The following KATNAL2 variants were observed in gnomAD, a reference collection of about 807,000 sequenced individuals.
KATNAL2 encodes the protein katanin catalytic subunit A1 like 2.
Under a neutral mutation model 76.3 loss-of-function variants are expected in KATNAL2, and 52 were observed. The ratio of observed to expected loss-of-function variants is 0.68; its 90% CI spans 0.55 to 0.86. The LOEUF (loss-of-function observed/expected upper bound fraction) is 0.86, where lower values mean the gene tolerates loss of function less well. KATNAL2 is among the 40% of genes least tolerant of loss of function. The pLI is 0.00. For missense variants in KATNAL2, 660 were observed against 668.9 expected, an observed-to-expected ratio of 0.99 and a Z score of 0.15; for synonymous variants, 243 against 244.2, an observed-to-expected ratio of 1.00 and a Z score of 0.05.
At chr18:46,955,140 C>CTCTCTTTCTTTCTTTT (rs1555834717) in intron 3 of KATNAL2, among the ~76,000 whole-genome samples, 1 of 85,020 alleles carries the variant, frequency 1.2e-5, no homozygotes, top group Non-Finnish European at 2.3e-5. Flanking sequence ...CTTTCTCTCT[C>CTCTCTTTCTTTCTTTT]TCTTTCTTTC....
intron 3 of KATNAL2, among the ~76,000 whole-genome samples, chr18:47,039,392 C>T (rs1203331060): frequency 6.6e-6 from 1 of 152,178 alleles, no homozygotes; most frequent in Admixed American, 6.5e-5. Flanking sequence ...CCCCTCCACC[C>T]ACTGCCTCCT....
intron 9 of KATNAL2, 93 bp downstream of exon 9, chr18:47,063,163 T>C (rs1432455575): frequency 6.9e-7 from 1 of 1,453,664 alleles, no homozygotes; most frequent in Non-Finnish European, 9.6e-7. Flanking sequence ...AACCTTGAGA[T>C]CAAGTTAAAG....
intron 3 of KATNAL2, among the ~76,000 whole-genome samples, chr18:47,031,222 C>T (rs1263368892): frequency 6.6e-6 from 1 of 150,944 alleles, no homozygotes; most frequent in African/African-American, 2.4e-5. Context: ...TTAAAATCTC[C>T]TCGGAAAGGC....
intron 1 of KATNAL2, among the ~76,000 whole-genome samples, chr18:46,918,434 A>T (rs534996033): frequency 6.0e-5 from 9 of 150,722 alleles, no homozygotes. Context: ...TCTTCCTTCC[A>T]CTCCCCTGCC....
chr18:46,957,352 T>C (rs919218513), intron 3 of KATNAL2, among the ~76,000 whole-genome samples: 12 of 147,294 alleles, frequency 8.1e-5, no homozygotes, highest in Middle Eastern at 3.6e-3. Context: ...CCCCCGGGGT[T>C]CACGCCATTC....
chr18:47,034,621 G>C (rs1313370826), intron 3 of KATNAL2: 2 of 1,614,140 alleles, frequency 1.2e-6, no homozygotes, highest in Non-Finnish European at 1.7e-6. Context: ...TTTCCCCTGG[G>C]GTTGGCCCTG....
chr18:46,922,939 T>A (rs1415776924), intron 1 of KATNAL2, among the ~76,000 whole-genome samples: 1 of 148,182 alleles, frequency 6.7e-6, no homozygotes, highest in Non-Finnish European at 1.5e-5. Context: ...TATGATATTG[T>A]ATATATAATA....
chr18:46,929,673 T>C (rs2058845625), intron 1 of KATNAL2, among the ~76,000 whole-genome samples: 2 of 152,250 alleles, frequency 1.3e-5, no homozygotes, highest in African/African-American at 4.8e-5. Context: ...CTATCAACTT[T>C]CTTATACGGG....
chr18:47,054,473 GCTC>G, intron 6 of KATNAL2, 35 bp downstream of exon 6: 2 of 1,598,404 alleles, frequency 1.3e-6, no homozygotes, highest in Non-Finnish European at 1.7e-6. Flanking sequence ...AATCGACTCG[GCTC>G]GAGGAGCTTG....
intron 1 of KATNAL2, among the ~76,000 whole-genome samples, chr18:46,939,363 G>A (rs1046631846): frequency 1.5e-4 from 23 of 150,706 alleles, no homozygotes; most frequent in Admixed American, 6.0e-4. Context: ...GAAAAGAAAA[G>A]AATGATTTAT....
chr18:47,043,468 G>T (rs1466294229), intron 3 of KATNAL2, among the ~76,000 whole-genome samples: 1 of 152,128 alleles, frequency 6.6e-6, no homozygotes, highest in African/African-American at 2.4e-5. Context: ...AAGAAAAGAG[G>T]TTTAATTGAC....
Position 47,075,361 on chromosome 18 carries a change from G to A in KATNAL2, c.1093G>A (p.Ala365Thr), listed in dbSNP as rs763410635. The change falls in exon 14 of 18, where the codon GCT becomes ACT. Residue 365 changes from alanine (A) to threonine (T), a missense_variant. Transcript: ENST00000683218. ...LESVMSQRGT[A>T]SGGEHEGSLR... ...GTCGGTGATGAGTCAGAGAGGCACA[G>A]CTTCTGGGTAACAGACAGGGTTGGG... is the stretch of plus-strand genomic sequence containing the variant. The A allele has an allele frequency of 6.5e-7, 1 of 1,534,068 alleles. No individual in the cohort carries two copies. Among genetic ancestry groups the A allele is most frequent in the East Asian group, 2.6e-5 (1 of 39,020 alleles).
chr18:46,926,665 G>C (rs2058737846), intron 1 of KATNAL2, among the ~76,000 whole-genome samples: 1 of 152,120 alleles, frequency 6.6e-6, no homozygotes, highest in Non-Finnish European at 1.5e-5. Context: ...TCATTGATCT[G>C]TCTAATGTTG....
At chr18:47,092,840 A>G (rs2063061168) in intron 15 of KATNAL2, among the ~76,000 whole-genome samples, 1 of 152,216 alleles carries the variant, frequency 6.6e-6, no homozygotes, top group Non-Finnish European at 1.5e-5. Flanking sequence ...TTTGGAGAGA[A>G]TCCTCCAATG....
At chr18:47,034,496 A>C (rs2060659218) in intron 3 of KATNAL2, 1 of 1,614,152 alleles carries the variant, frequency 6.2e-7, no homozygotes, top group Non-Finnish European at 8.5e-7. Context: ...TCTCTTAAGC[A>C]GGCCCCGCAT....
At chr18:46,935,473 G>A (rs138346052) in intron 1 of KATNAL2, among the ~76,000 whole-genome samples, 4 of 152,210 alleles carry the variant, frequency 2.6e-5, no homozygotes, top group East Asian at 1.9e-4. Flanking sequence ...TGGAGCCTTC[G>A]AAGGCTAAAT....
intron 6 of KATNAL2, among the ~76,000 whole-genome samples, chr18:47,056,955 G>T (rs1285484314): frequency 6.6e-6 from 1 of 151,948 alleles, no homozygotes; most frequent in Non-Finnish European, 1.5e-5. Flanking sequence ...GCCAGCAAAA[G>T]GGTAGAGAAA....
At chr18:47,034,528 G>C in intron 3 of KATNAL2, 5 of 1,614,204 alleles carry the variant, frequency 3.1e-6, no homozygotes, top group Non-Finnish European at 4.2e-6. Flanking sequence ...GATCAAAGTA[G>C]GGGAGTGCCA....
At chr18:46,961,974 G>A (rs1227286347) in intron 3 of KATNAL2, among the ~76,000 whole-genome samples, 1 of 152,216 alleles carries the variant, frequency 6.6e-6, no homozygotes, top group African/African-American at 2.4e-5. Context: ...TGCGGAAAGA[G>A]CTACAGTTAT....
Sources: gnomAD v4.1 joint callset for allele counts (sites outside exome capture counted in the v4.1 genomes callset) on GRCh38, gnomAD v4.1.1 for gene constraint, MANE v1.5 for transcripts, NCBI Gene and HGNC (gene_info 2026-07-23, HGNC 2026-07-21) for gene names.